CCDC9: variants seen among roughly 807,000 people sequenced by gnomAD.
The protein encoded by CCDC9 is coiled-coil domain containing 9.
Under a neutral mutation model 65.6 loss-of-function variants are expected in CCDC9, and 52 were observed. That is an observed-to-expected ratio of 0.79 (90% CI 0.63 to 1.00). The LOEUF is 1.00. Ranked by LOEUF, CCDC9 falls within the 50% of genes least tolerant of loss-of-function variation. CCDC9 has a pLI of 0.00. For missense variants in CCDC9, 834 were observed against 757.2 expected (o/e 1.10, Z -1.19); for synonymous variants, 332 against 280.3 (o/e 1.18, Z -1.84).
chr19:47,266,117 T>A (rs993002952), intron 7 of CCDC9, among the ~76,000 whole-genome samples: 2 of 143,308 alleles, frequency 1.4e-5, no homozygotes, highest in Admixed American at 7.3e-5. Flanking sequence ...TGCCTCAGCC[T>A]CCCGAAAAGC....
chr19:47,265,094 G>A, intron 7 of CCDC9, 148 bp downstream of exon 7: 1 of 639,376 alleles, frequency 1.6e-6, no homozygotes, highest in Non-Finnish European at 2.3e-6. Flanking sequence ...TTCTCGCTCT[G>A]TCACCCATTC....
Position 47,264,868 on chromosome 19 carries a change from G to A in CCDC9, c.642G>A (p.Glu214=). Residue 214 remains glutamate, a synonymous_variant, in exon 7 of 12, where the codon GAG becomes GAA. Transcript: ENST00000221922. The part of the protein sequence containing the change: ...PLEESERDRR[E]ESRRHGRNWG... ...AGGAGTCTGAGCGGGACCGCCGGGA[G>A]GAGAGCCGCCGGCACGGCCGCAACT... 6.7e-7 allele frequency: 1 copy of A among 1,495,266 alleles called. No homozygotes were observed. The highest frequency in any genetic ancestry group is 8.9e-7 in the Non-Finnish European group (1 of 1,124,644). The allele number at this position is 1,495,266 out of a possible 1,614,324, so 92.6% of individuals were successfully genotyped here.
At chr19:47,275,052 G>T (rs1360053657), downstream of CCDC9, 1 of 1,493,526 alleles carries the variant, frequency 6.7e-7, no homozygotes. Context: ...GCTAGCTGCC[G>T]TGCTGCTCGC....
chr19:47,269,916 T>A (rs1393873748), intron 8 of CCDC9, among the ~76,000 whole-genome samples: 1 of 152,040 alleles, frequency 6.6e-6, no homozygotes, highest in Non-Finnish European at 1.5e-5. Flanking sequence ...TGAATCTTTT[T>A]GTATTTGTCA....
Position 47,262,670 on chromosome 19 carries a change from G to A in CCDC9, c.462+1831G>A, listed in dbSNP as rs1270596173. 2.0e-5 allele frequency among the ~76,000 whole-genome samples: 3 copies of A among 152,146 alleles called. No individual in the cohort carries two copies. The East Asian group carries it at 5.8e-4, about 29-fold the overall frequency. On this transcript the variant is annotated intron_variant, in intron 5 of 11. Coordinates refer to ENST00000221922, the MANE Select transcript of CCDC9 (RefSeq NM_015603.3). ...GTCATGTCCTGTTGGTGAGAACTTA[G>A]ACACCTGGTCATACCTAACCTCAAA...
chr19:47,264,864 G>T lies in CCDC9; in HGVS notation c.638G>T (p.Arg213Leu). ...GPLEESERDRREESRRHGRNW... is the reference protein window; with the variant it reads ...GPLEESERDRLEESRRHGRNW... ...CTGGAGGAGTCTGAGCGGGACCGCCGGGAGGAGAGCCGCCGGCACGGCCGC... is the reference window on the plus strand; with the variant it reads ...CTGGAGGAGTCTGAGCGGGACCGCCTGGAGGAGAGCCGCCGGCACGGCCGC... The change falls in exon 7 of 12, where the codon CGG becomes CTG. Residue 213 changes from arginine to leucine, a missense_variant. Coordinates refer to ENST00000221922, the MANE Select transcript of CCDC9 (RefSeq NM_015603.3). 2 of 1,499,164 alleles carry T rather than the reference G, an allele frequency of 1.3e-6. No homozygotes were observed. Among genetic ancestry groups the T allele is most frequent in the Non-Finnish European group, 1.8e-6 (2 of 1,126,182 alleles). The allele number at this position is 1,499,164 out of a possible 1,614,324, so 92.9% of individuals were successfully genotyped here. A position where few individuals can be genotyped will look rare whatever the true frequency, so the allele number is the denominator to read the frequency against.
chr19:47,261,931 G>T (rs1706616367), intron 5 of CCDC9, among the ~76,000 whole-genome samples: 1 of 151,550 alleles, frequency 6.6e-6, no homozygotes, highest in Non-Finnish European at 1.5e-5. Context: ...TGAGGCAGAA[G>T]AATTGCTTGA....
Position 47,271,787 on chromosome 19 carries a change from C to G in CCDC9, c.*109C>G. On this transcript the variant is annotated 3_prime_UTR_variant, in exon 12 of 12. Coordinates refer to ENST00000221922, the MANE Select transcript of CCDC9 (RefSeq NM_015603.3). ...AGAGGGGTGTGGCTGGTGGGGGACC[C>G]TTGGGGCTGGGCCCTGGGACCCAGT... 1 of 1,455,654 alleles carries G rather than the reference C, an allele frequency of 6.9e-7. No individual in the cohort carries two copies. Among genetic ancestry groups the G allele is most frequent in the Non-Finnish European group, 9.0e-7 (1 of 1,110,002 alleles). 90.2% of individuals were successfully genotyped at this position (1,455,654 alleles called of 1,614,324 possible). A position where few individuals can be genotyped will look rare whatever the true frequency, so the allele number is the denominator to read the frequency against.
chr19:47,268,089 C>A (rs2059094263), intron 8 of CCDC9, among the ~76,000 whole-genome samples: 2 of 152,004 alleles, frequency 1.3e-5, no homozygotes, highest in Admixed American at 1.3e-4. Context: ...CCTCATGATT[C>A]ACCCACCTCA....
downstream of CCDC9, chr19:47,275,125 C>A (rs907614235): frequency 1.9e-5 from 28 of 1,491,970 alleles, no homozygotes; most frequent in Non-Finnish European, 2.2e-5. Context: ...GGCCCACAGC[C>A]CAGCGCGCCG....
rs775127039 is a variant in CCDC9, at chr19:47,271,331, G to A, written c.1249G>A (p.Glu417Lys). Residue 417 changes from glutamate (E) to lysine (K), a missense_variant, in exon 12 of 12, where the codon GAG (glutamate) becomes AAG (lysine). Transcript: ENST00000221922. ...RPPEDEGEEN[E>K]GEEDEEWEDI... ...TCCTGAAGACGAGGGGGAAGAGAAT[G>A]AGGGGGAAGAGGATGAAGAATGGGA... The A allele has an allele frequency of 5.0e-6, 8 of 1,612,796 alleles. No individual in the cohort carries two copies. In the Admixed American group the frequency reaches 1.3e-4, roughly 27 times the overall value.
intron 6 of CCDC9, 21 bp downstream of exon 6, chr19:47,264,707 C>A: frequency 6.2e-7 from 1 of 1,601,878 alleles, no homozygotes; most frequent in East Asian, 2.3e-5. Context: ...CGGGTGTCCC[C>A]GAGGCAGGGC....
chr19:47,264,467 C>T (rs141726896), intron 5 of CCDC9, 136 bp from the exon 6 acceptor site: 9,560 of 784,844 alleles, frequency 0.012, 90 homozygotes, highest in Middle Eastern at 0.027. Flanking sequence ...ACCTGGAGCA[C>T]GCTGAGAGCA....
downstream of CCDC9, chr19:47,275,113 C>G (rs1229597273): frequency 5.4e-6 from 8 of 1,493,578 alleles, no homozygotes; most frequent in African/African-American, 5.8e-5. Context: ...GCGGCACCCG[C>G]CGGCCCACAG....
At chr19:47,260,522 G>C in intron 4 of CCDC9, 66 bp from the exon 5 acceptor site, 2 of 1,582,188 alleles carry the variant, frequency 1.3e-6, no homozygotes, top group Non-Finnish European at 1.7e-6. Flanking sequence ...CCAGTGGGTG[G>C]CCTCCATCCT....
At position 47,271,733 on chromosome 19, in the gene CCDC9, GCGCGCGCGCGCGCGCGCGCGC is replaced by G; in HGVS notation, c.*56_*76del. The G allele has an allele frequency of 4.6e-6, 1 of 218,718 alleles. No individual in the cohort carries two copies. Among genetic ancestry groups the G allele is most frequent in the Non-Finnish European group, 5.3e-6 (1 of 188,456 alleles). The allele number at this position is 218,718 out of a possible 1,614,324, so 13.5% of individuals were successfully genotyped here. A position where few individuals can be genotyped will look rare whatever the true frequency, so the allele number is the denominator to read the frequency against. ...TGTGTGTGTGTGTGTGTGTGTGTGT[GCGCGCGCGCGCGCGCGCGCGC>G]GCGCGCTAGAGGGGTGTGGCTGGTG... On this transcript the variant is annotated 3_prime_UTR_variant, in exon 12 of 12. Coordinates refer to ENST00000221922, the MANE Select transcript of CCDC9 (RefSeq NM_015603.3).
intron 1 of CCDC9, among the ~76,000 whole-genome samples, chr19:47,257,371 A>G (rs918748936): frequency 1.2e-4 from 17 of 141,226 alleles, no homozygotes; most frequent in Non-Finnish European, 2.4e-4. Flanking sequence ...AGGCGGGGAA[A>G]GAGCGTGGCT....
Position 47,271,371 on chromosome 19 carries a change from A to T in CCDC9, c.1289A>T (p.Asp430Val). Reference protein sequence around the residue: ...EDEEWEDISEDEEEEEIEVEE... With the variant: ...EDEEWEDISEVEEEEEIEVEE... ...GAAGAATGGGAGGACATAAGTGAGG[A>T]TGAGGAAGAGGAGGAGATCGAGGTG... The change falls in exon 12 of 12, where the codon GAT (aspartate) becomes GTT (valine). Residue 430 changes from aspartate (D) to valine (V), a missense_variant. Physicochemically the swap from Asp to Val is radical, Grantham distance 152. Transcript: ENST00000221922. 6.2e-7 allele frequency: 1 copy of T among 1,613,702 alleles called. No individual in the cohort carries two copies. The highest frequency in any genetic ancestry group is 1.1e-5 in the South Asian group (1 of 91,024).
chr19:47,260,543 C>T (rs1003857865), intron 4 of CCDC9, 45 bp from the exon 5 acceptor site: 1 of 1,558,134 alleles, frequency 6.4e-7, no homozygotes. Context: ...GGCCGCATGC[C>T]TCCCTGCCCC....
Sources: allele counts gnomAD v4.1 joint callset (sites outside exome capture counted in the v4.1 genomes callset), GRCh38; gene constraint gnomAD v4.1.1; transcripts MANE v1.5; gene names NCBI Gene and HGNC (gene_info 2026-07-23, HGNC 2026-07-21).